Variants in HECW2 observed in about 807,000 individuals in gnomAD.
HECW2 encodes the protein HECT, C2 and WW domain containing E3 ubiquitin protein ligase 2.
Under a neutral mutation model 175.2 loss-of-function variants are expected in HECW2, and 61 were observed. The observed-to-expected ratio is 0.35, with a 90% CI of 0.28 to 0.43. The LOEUF (loss-of-function observed/expected upper bound fraction) is 0.43, where lower values mean the gene tolerates loss of function less well. HECW2 is among the 20% of genes least tolerant of loss of function. The pLI is 1.00. For synonymous variants in HECW2, 671 were observed against 731.0 expected, an observed-to-expected ratio of 0.92 and a Z score of 1.32; for missense variants, 1,524 against 2,000.5, an observed-to-expected ratio of 0.76 and a Z score of 4.54.
intron 2 of HECW2, among the ~76,000 whole-genome samples, chr2:196,370,492 A>T (rs1693876196): frequency 6.6e-6 from 1 of 151,950 alleles, no homozygotes; most frequent in Non-Finnish European, 1.5e-5. Context: ...TGGGGGTGGG[A>T]GAGGGATGGC....
chr2:196,246,564 ATT>A (rs1044530810), intron 19 of HECW2, among the ~76,000 whole-genome samples: 8 of 151,190 alleles, frequency 5.3e-5, no homozygotes, highest in African/African-American at 1.7e-4. Flanking sequence ...ATTTTTTTGT[ATT>A]TTTTTAGTAG....
chr2:196,559,307 A>T (rs1272113159), intron 1 of HECW2, among the ~76,000 whole-genome samples: 2 of 152,210 alleles, frequency 1.3e-5, no homozygotes, highest in Non-Finnish European at 2.9e-5. Flanking sequence ...AGCCCATCAG[A>T]GTCCTACCTG....
chr2:196,241,013 G>GA (rs11384057), intron 20 of HECW2, among the ~76,000 whole-genome samples: 133,486 of 150,824 alleles, frequency 0.89, 60,275 homozygotes, highest in Non-Finnish European at 0.98. Flanking sequence ...GAACAAAGAG[G>GA]AAAAAAAAAA....
At chr2:196,342,859 GA>G (rs1692808341) in intron 3 of HECW2, among the ~76,000 whole-genome samples, 2 of 151,888 alleles carry the variant, frequency 1.3e-5, no homozygotes, top group South Asian at 4.2e-4. Context: ...GCGATATCTT[GA>G]CTTATTCTTT....
intron 21 of HECW2, among the ~76,000 whole-genome samples, chr2:196,235,892 T>C (rs116746797): frequency 2.0e-5 from 3 of 152,000 alleles, no homozygotes; most frequent in African/African-American, 7.3e-5. Flanking sequence ...TCTTCTGACC[T>C]GTGATCTGCT....
intron 1 of HECW2, among the ~76,000 whole-genome samples, chr2:196,464,725 G>T (rs1220948102): frequency 2.6e-5 from 4 of 152,158 alleles, no homozygotes; most frequent in African/African-American, 9.7e-5. Flanking sequence ...ATAAGACTGT[G>T]CTTGTAAAAA....
At chr2:196,273,930 C>G in intron 16 of HECW2, 91 bp downstream of exon 16, 2 of 866,106 alleles carry the variant, frequency 2.3e-6, no homozygotes, top group Non-Finnish European at 1.8e-6. Flanking sequence ...CAAAAAGTAG[C>G]AGGCTAACAA....
intron 21 of HECW2, among the ~76,000 whole-genome samples, chr2:196,233,730 T>C (rs1688139125): frequency 6.6e-6 from 1 of 152,214 alleles, no homozygotes; most frequent in African/African-American, 2.4e-5. Context: ...TAATTTAGGT[T>C]ATCCTGTGAA....
chr2:196,325,259 G>A, intron 5 of HECW2, 110 bp from the exon 6 acceptor site: 2 of 739,300 alleles, frequency 2.7e-6, no homozygotes, highest in East Asian at 2.7e-5. Flanking sequence ...GGATTCATAT[G>A]TCCTGATTAG....
At chr2:196,409,000 A>G (rs2125223417) in intron 2 of HECW2, among the ~76,000 whole-genome samples, 1 of 152,350 alleles carries the variant, frequency 6.6e-6, no homozygotes, top group East Asian at 1.9e-4. Flanking sequence ...GTCTATTGTT[A>G]ACTTTTTCAG....
intron 19 of HECW2, chr2:196,242,682 C>CTTTTTTTT (rs1157719695): frequency 2.3e-5 from 2 of 86,690 alleles, no homozygotes; most frequent in African/African-American, 4.9e-5. Flanking sequence ...CCTCATGAAA[C>CTTTTTTTT]TTTTTTTTTT....
intron 1 of HECW2, among the ~76,000 whole-genome samples, chr2:196,448,511 T>C (rs1696253257): frequency 2.0e-5 from 3 of 152,150 alleles, no homozygotes; most frequent in Admixed American, 1.3e-4. Context: ...TCCACAAAAT[T>C]TGGGGAGAAA....
In HECW2 at chr2:196,536,775, C is replaced by T. The variant is rs549103844; in HGVS notation, c.-36+56733G>A. ...TCCCATCATTAATCTGCTAAATGGC[C>T]ACTGTGCTACTCAAACTGAGCATCA... On this transcript the variant is annotated intron_variant, in intron 1 of 28. Coordinates refer to ENST00000644978, the MANE Select transcript of HECW2 (RefSeq NM_001348768.2). Among the ~76,000 whole-genome samples, 85 of 152,224 alleles carry T rather than the reference C, an allele frequency of 5.6e-4. 1 individual carries two copies. Among genetic ancestry groups the T allele is most frequent in the African/African-American group, 1.9e-3 (80 of 41,554 alleles).
intron 21 of HECW2, among the ~76,000 whole-genome samples, chr2:196,231,167 A>T (rs12471278): frequency 6.7e-6 from 1 of 149,522 alleles, no homozygotes; most frequent in Non-Finnish European, 1.5e-5. Context: ...ACTTTTTGAG[A>T]CTTAGTCCCC....
intron 1 of HECW2, among the ~76,000 whole-genome samples, chr2:196,570,329 C>T (rs909853718): frequency 6.6e-6 from 1 of 152,188 alleles, no homozygotes; most frequent in Non-Finnish European, 1.5e-5. Flanking sequence ...ATCAAACCAG[C>T]TACCTTCTGA....
chr2:196,447,210 T>G (rs1696211793), intron 1 of HECW2, among the ~76,000 whole-genome samples: 8 of 152,086 alleles, frequency 5.3e-5, no homozygotes, highest in Admixed American at 5.2e-4. Flanking sequence ...ATTTTCCAAT[T>G]GTTTTTTTTT....
chr2:196,535,111 C>G (rs1402606234), intron 1 of HECW2, among the ~76,000 whole-genome samples: 1 of 151,216 alleles, frequency 6.6e-6, no homozygotes, highest in African/African-American at 2.4e-5. Context: ...GCCCCTAAAA[C>G]TCACATTTAA....
chr2:196,339,438 T>G (rs1240289593), intron 3 of HECW2, among the ~76,000 whole-genome samples: 1 of 152,258 alleles, frequency 6.6e-6, no homozygotes, highest in African/African-American at 2.4e-5. Context: ...ATCAGTGTTT[T>G]GTCATATTCC....
intron 1 of HECW2, among the ~76,000 whole-genome samples, chr2:196,439,087 G>A (rs1473425243): frequency 6.6e-6 from 1 of 152,134 alleles, no homozygotes; most frequent in Non-Finnish European, 1.5e-5. Context: ...ACTTCACCCT[G>A]CCTCAATTTA....
Sources: gnomAD v4.1 joint callset for allele counts (sites outside exome capture counted in the v4.1 genomes callset) on GRCh38, gnomAD v4.1.1 for gene constraint, MANE v1.5 for transcripts, NCBI Gene and HGNC (gene_info 2026-07-23, HGNC 2026-07-21) for gene names.